Variants in UPF2 observed in about 807,000 individuals in gnomAD.
UPF2 encodes regulator of nonsense transcripts 2.
A neutral mutation model predicts 141.4 loss-of-function variants in UPF2; 17 were observed. That is an observed-to-expected ratio of 0.12 (90% CI 0.08 to 0.18). UPF2 has a LOEUF of 0.18. Ranked by LOEUF, UPF2 falls within the 10% of genes least tolerant of loss-of-function variation. UPF2 has a pLI of 1.00. For missense variants in UPF2, 1,152 were observed against 1,515.9 expected (o/e 0.76, Z 3.99); for synonymous variants, 540 against 498.0 (o/e 1.08, Z -1.12).
chr10:12,030,210 G>A (rs920773594), intron 2 of UPF2, among the ~76,000 whole-genome samples: 5 of 151,840 alleles, frequency 3.3e-5, no homozygotes, highest in Non-Finnish European at 7.4e-5. Flanking sequence ...TAAAAGCAAT[G>A]GGCAAAGAGA....
intron 8 of UPF2, among the ~76,000 whole-genome samples, chr10:11,993,791 T>A (rs922992195): frequency 6.6e-6 from 1 of 151,320 alleles, no homozygotes; most frequent in South Asian, 2.1e-4. Context: ...CTGGTCAATA[T>A]AACAAGACCT....
chr10:11,967,546 GTTTTTTTT>G, intron 9 of UPF2, 92 bp from the exon 10 acceptor site: 2 of 242,718 alleles, frequency 8.2e-6, no homozygotes, highest in African/African-American at 3.1e-5. Flanking sequence ...ATTCACTCCA[GTTTTTTTT>G]TTTTTTTTTT....
intron 21 of UPF2, among the ~76,000 whole-genome samples, chr10:11,928,261 C>T (rs1300908044): frequency 1.3e-5 from 2 of 151,830 alleles, no homozygotes; most frequent in African/African-American, 4.8e-5. Context: ...CACTTGAACC[C>T]GGGAGGTAGA....
At position 12,042,195 on chromosome 10, in the gene UPF2, C is replaced by A. The variant is rs965693571; in HGVS notation, c.-19+560G>T. On this transcript the variant is annotated intron_variant, in intron 1 of 21. Transcript: ENST00000357604. The surrounding 1 kb of genome is among the most constrained non-coding windows in gnomAD (Gnocchi z 5.5). ...CTGGTGGTGTAGGAACCTCTAAACC[C>A]ACCACACTTCCCCGACACAACTCCC... Among the ~76,000 whole-genome samples the A allele has an allele frequency of 7.9e-5, 12 of 151,912 alleles. No individual in the cohort carries two copies. Among genetic ancestry groups the A allele is most frequent in the Non-Finnish European group, 1.6e-4 (11 of 67,962 alleles).
At chr10:12,011,383 G>C (rs769900443) in intron 4 of UPF2, among the ~76,000 whole-genome samples, 3 of 152,118 alleles carry the variant, frequency 2.0e-5, no homozygotes, top group Non-Finnish European at 1.5e-5. Context: ...CAGATCACTT[G>C]AGCTCAAAGT....
chr10:11,937,665 G>C (rs779082193), intron 18 of UPF2, among the ~76,000 whole-genome samples: 2 of 152,106 alleles, frequency 1.3e-5, no homozygotes, highest in African/African-American at 4.8e-5. Context: ...AAAGAGGGAC[G>C]AGCTGAATGT....
intron 9 of UPF2, among the ~76,000 whole-genome samples, chr10:11,969,671 C>T (rs1833382814): frequency 1.3e-5 from 2 of 152,136 alleles, no homozygotes; most frequent in African/African-American, 4.8e-5. Context: ...TATACATGCA[C>T]ATAAAAAACT....
chr10:11,975,302 G>A (rs548643948), intron 9 of UPF2, among the ~76,000 whole-genome samples: 26 of 152,238 alleles, frequency 1.7e-4, no homozygotes, highest in Admixed American at 3.3e-4. Flanking sequence ...CACTAAAGAA[G>A]TAGGCCACAC....
intron 15 of UPF2, among the ~76,000 whole-genome samples, chr10:11,950,418 T>C (rs1257153906): frequency 6.6e-6 from 1 of 152,148 alleles, no homozygotes; most frequent in Non-Finnish European, 1.5e-5. Flanking sequence ...AGGAAGCAAA[T>C]GGAGACTTGG....
At chr10:11,982,648 C>T (rs976890341) in intron 8 of UPF2, among the ~76,000 whole-genome samples, 1 of 152,082 alleles carries the variant, frequency 6.6e-6, no homozygotes, top group East Asian at 1.9e-4. Context: ...TTTTTTGAGA[C>T]AGAGTTTCAC....
intron 2 of UPF2, among the ~76,000 whole-genome samples, chr10:12,033,490 A>G (rs1834565717): frequency 6.6e-6 from 1 of 151,708 alleles, no homozygotes; most frequent in Non-Finnish European, 1.5e-5. Flanking sequence ...CTGGCATTGT[A>G]CCACTACACT....
intron 21 of UPF2, among the ~76,000 whole-genome samples, chr10:11,926,934 GCACGTCGATGACAGCACACACATGCT>G (rs1425699443): frequency 1.1e-4 from 16 of 152,326 alleles, no homozygotes; most frequent in Admixed American, 3.9e-4. Context: ...CTGTTCACAC[GCACGTCGATGACAGCACACACATGCT>G]CACGTCGATG....
intron 3 of UPF2, among the ~76,000 whole-genome samples, chr10:12,018,355 G>A (rs111691659): frequency 4.5e-4 from 69 of 152,160 alleles, no homozygotes; most frequent in African/African-American, 1.6e-3. Context: ...GGCTGAGGCG[G>A]GTGGACCACA....
chr10:11,969,410 C>T (rs927849550), intron 9 of UPF2, among the ~76,000 whole-genome samples: 2 of 152,046 alleles, frequency 1.3e-5, no homozygotes, highest in African/African-American at 4.8e-5. Context: ...ACCTCGTGAT[C>T]CACCCGCCTC....
At chr10:11,951,005 G>C (rs1833067112) in intron 15 of UPF2, among the ~76,000 whole-genome samples, 1 of 152,160 alleles carries the variant, frequency 6.6e-6, no homozygotes, top group East Asian at 1.9e-4. Flanking sequence ...AATGTACCAA[G>C]TTCTAGTGGG....
At chr10:11,958,226 T>C (rs947493810) in intron 12 of UPF2, among the ~76,000 whole-genome samples, 2 of 152,180 alleles carry the variant, frequency 1.3e-5, no homozygotes, top group African/African-American at 4.8e-5. Flanking sequence ...CAATTACTAT[T>C]TCAAAGCCTC....
chr10:11,933,350 T>C (rs529246631), intron 19 of UPF2, among the ~76,000 whole-genome samples: 24 of 152,312 alleles, frequency 1.6e-4, no homozygotes, highest in Middle Eastern at 3.4e-3. Flanking sequence ...CTTCAAATAA[T>C]GTTCCAAAAA....
At chr10:12,034,986 A>G in intron 2 of UPF2, 73 bp downstream of exon 2, 3 of 1,504,448 alleles carry the variant, frequency 2.0e-6, no homozygotes, top group Non-Finnish European at 2.6e-6. Context: ...CTATATTTCA[A>G]ATAATGTTTT....
intron 3 of UPF2, among the ~76,000 whole-genome samples, chr10:12,015,765 T>C (rs939781808): frequency 5.9e-5 from 9 of 152,148 alleles, no homozygotes; most frequent in Non-Finnish European, 1.0e-4. Flanking sequence ...ATTTTCCGAA[T>C]ATTAGTTCCC....
Sources: gnomAD v4.1 joint callset for allele counts (sites outside exome capture counted in the v4.1 genomes callset) on GRCh38, gnomAD v4.1.1 for gene constraint, Gnocchi (gnomAD v3.1) non-coding constraint, MANE v1.5 for transcripts, NCBI Gene and HGNC (gene_info 2026-07-23, HGNC 2026-07-21) for gene names.